Variants in POMZP3 observed in about 807,000 individuals in gnomAD.
POMZP3 encodes the protein POM121 and ZP3 fusion, also known as POM121 and ZP3 fusion protein.
POMZP3 carries 10 observed loss-of-function variants against 19.8 expected under a neutral mutation model. The ratio of observed to expected loss-of-function variants is 0.51; its 90% CI spans 0.31 to 0.86. The LOEUF (loss-of-function observed/expected upper bound fraction) is 0.86. Among genes scored for constraint, POMZP3 ranks in the 40% least tolerant of loss-of-function variants. POMZP3 has a pLI of 0.04. For missense variants in POMZP3, 152 were observed against 228.1 expected (o/e 0.67, Z 2.15); for synonymous variants, 57 against 85.8 (o/e 0.66, Z 1.85).
chr7:76,619,345 GC>G (rs1815419872), intron 3 of POMZP3, among the ~76,000 whole-genome samples: 1 of 152,026 alleles, frequency 6.6e-6, no homozygotes, highest in African/African-American at 2.4e-5. Context: ...CCGAGATCGT[GC>G]CATTGCACTC....
chr7:76,611,817 C>T lies in POMZP3; in HGVS notation c.346-4G>A, dbSNP rs1432804453. 4.5e-6 allele frequency: 7 copies of T among 1,567,040 alleles called. No homozygotes were observed. In the South Asian group the frequency reaches 7.9e-5, roughly 18 times the overall value. On this transcript the variant is annotated splice_region_variant and splice_polypyrimidine_tract_variant and intron_variant, in intron 4 of 6. Coordinates refer to ENST00000310842, the MANE Select transcript of POMZP3 (RefSeq NM_012230.5). ...TCAGGTGGCAGGTGATGTATATCTG[C>T]AAGGAATAACAGCTATTTCCAGGCC... is the stretch of plus-strand genomic sequence containing the variant.
intron 3 of POMZP3, chr7:76,618,649 A>G (rs1815381699): frequency 3.5e-6 from 1 of 289,442 alleles, no homozygotes; most frequent in Non-Finnish European, 6.8e-6. Context: ...CGTTCAAAAT[A>G]GAGGGTAGAG....
At position 76,625,792 on chromosome 7, in the gene POMZP3, C is replaced by T. The variant is rs1300928463; in HGVS notation, c.66-109G>A. The T allele has an allele frequency of 4.9e-6, 7 of 1,414,822 alleles. No individual in the cohort carries two copies. The South Asian group carries it at 9.3e-5, about 19-fold the overall frequency. 87.6% of individuals were successfully genotyped at this position (1,414,822 alleles called of 1,614,324 possible). A position where few individuals can be genotyped will look rare whatever the true frequency, so the allele number is the denominator to read the frequency against. ...AGCCAAAGTATAATTTATACACTCA[C>T]AACAGTTCCCCTTAGCAAGTAAAGC... On this transcript the variant is annotated intron_variant, in intron 2 of 6. Transcript: ENST00000310842.
In POMZP3 at chr7:76,614,399, A is replaced by C. The variant is rs1455251079; in HGVS notation, c.346-2586T>G. On this transcript the variant is annotated intron_variant, in intron 4 of 6. Transcript: ENST00000310842. ...CCCATCTCTACTAAAAAAAAAAAAA[A>C]AATACAGAAATTAGCTGGGCATGGT... is the stretch of plus-strand genomic sequence containing the variant. Among the ~76,000 whole-genome samples the C allele has an allele frequency of 8.5e-4, 69 of 80,902 alleles. 15 individuals are homozygous for C. The highest frequency in any genetic ancestry group is 1.5e-3 in the Non-Finnish European group (57 of 38,698). 53.1% of individuals were successfully genotyped at this position (80,902 alleles called of 152,430 possible). A position where few individuals can be genotyped will look rare whatever the true frequency, so the allele number is the denominator to read the frequency against.
intron 3 of POMZP3, among the ~76,000 whole-genome samples, chr7:76,619,283 G>A (rs1815416308): frequency 6.6e-6 from 1 of 152,308 alleles, no homozygotes. Context: ...AGCTACTGGG[G>A]AGGCTGAGAG....
At chr7:76,610,326 T>G (rs1815031653) in intron 6 of POMZP3, 111 bp from the exon 7 acceptor site, 2 of 1,135,722 alleles carry the variant, frequency 1.8e-6, no homozygotes, top group South Asian at 2.6e-5. Flanking sequence ...CTTTTTTGTG[T>G]GGGCTAATAA....
chr7:76,614,862 A>G (rs1815237435), intron 4 of POMZP3, among the ~76,000 whole-genome samples: 1 of 86,500 alleles, frequency 1.2e-5, no homozygotes, highest in African/African-American at 6.0e-5. Context: ...TCTGTCCAAA[A>G]AAAAAAAAAA....
At chr7:76,618,457 A>G (rs1383336477) in intron 3 of POMZP3, 157 bp from the exon 4 acceptor site, 12 of 928,342 alleles carry the variant, frequency 1.3e-5, no homozygotes, top group Non-Finnish European at 1.7e-5. Context: ...CCTTGTCTCT[A>G]CTAAAAATAC....
chr7:76,616,131 A>T lies in POMZP3; in HGVS notation c.345+2052T>A, dbSNP rs181909735. Among the ~76,000 whole-genome samples the T allele has an allele frequency of 1.3e-4, 18 of 136,480 alleles. 1 individual carries two copies. The highest frequency in any genetic ancestry group is 4.1e-4 in the African/African-American group (15 of 36,194). 89.5% of individuals were successfully genotyped at this position (136,480 alleles called of 152,430 possible). A position where few individuals can be genotyped will look rare whatever the true frequency, so the allele number is the denominator to read the frequency against. On this transcript the variant is annotated intron_variant, in intron 4 of 6. Coordinates refer to ENST00000310842, the MANE Select transcript of POMZP3 (RefSeq NM_012230.5). ...AACCCTGTCTCTACTAAGAAATACA[A>T]GGATTAGCCGGGCATGGTGGCAGGC...
Position 76,611,717 on chromosome 7 carries a change from C to G in POMZP3, c.437+5G>C. ...CTACTCCAGTCACGGAGCACCTGTC[C>G]TCACCTGTTGGAAGGCTTGCTGAAG... On this transcript the variant is annotated splice_donor_5th_base_variant and intron_variant, in intron 5 of 6. Transcript: ENST00000310842. 1 of 1,478,298 alleles carries G rather than the reference C, an allele frequency of 6.8e-7. No homozygotes were observed. 91.6% of individuals were successfully genotyped at this position (1,478,298 alleles called of 1,614,324 possible). A position where few individuals can be genotyped will look rare whatever the true frequency, so the allele number is the denominator to read the frequency against.
chr7:76,624,320 G>A (rs563145783), intron 3 of POMZP3, among the ~76,000 whole-genome samples: 8 of 151,724 alleles, frequency 5.3e-5, no homozygotes, highest in Non-Finnish European at 7.4e-5. Context: ...AGGCTGAGGC[G>A]AGCTGATCAC....
chr7:76,624,989 C>T (rs1176012856), intron 3 of POMZP3, among the ~76,000 whole-genome samples: 30 of 150,932 alleles, frequency 2.0e-4, no homozygotes, highest in African/African-American at 2.2e-4. Context: ...AAAAATTAGC[C>T]GGGCATGGTG....
At position 76,626,195 on chromosome 7, in the gene POMZP3, T is replaced by C; in HGVS notation, c.-131A>G. On this transcript the variant is annotated 5_prime_UTR_variant, in exon 2 of 7. Transcript: ENST00000310842. Reference sequence around the variant, plus strand: ...TCTTCGAGGTGTTATTACAAACCGATCTGGTAAAGTCCCACGATCCCTGCA... The same window carrying C: ...TCTTCGAGGTGTTATTACAAACCGACCTGGTAAAGTCCCACGATCCCTGCA... The C allele has an allele frequency of 1.9e-6, 3 of 1,565,502 alleles. No individual in the cohort carries two copies. Among genetic ancestry groups the C allele is most frequent in the South Asian group, 1.2e-5 (1 of 86,062 alleles).
At chr7:76,626,618 G>C (rs939019262) in intron 1 of POMZP3, 90 bp downstream of exon 1, 1 of 1,246,200 alleles carries the variant, frequency 8.0e-7, no homozygotes, top group Admixed American at 3.6e-5. Flanking sequence ...ATTCCCTTCG[G>C]ATTTGATGAA....
At chr7:76,614,853 C>G (rs1815235763) in intron 4 of POMZP3, among the ~76,000 whole-genome samples, 1 of 70,658 alleles carries the variant, frequency 1.4e-5, no homozygotes, top group Non-Finnish European at 2.6e-5. Flanking sequence ...GAGCGAGACT[C>G]TGTCCAAAAA....
At chr7:76,618,866 C>A (rs1461056568) in intron 3 of POMZP3, among the ~76,000 whole-genome samples, 1 of 151,826 alleles carries the variant, frequency 6.6e-6, no homozygotes, top group Non-Finnish European at 1.5e-5. Context: ...TAGCTCACTG[C>A]AGCCTCGACC....
intron 3 of POMZP3, among the ~76,000 whole-genome samples, chr7:76,621,899 T>C (rs188705349): frequency 2.6e-5 from 3 of 113,998 alleles, no homozygotes; most frequent in Admixed American, 1.8e-4. Flanking sequence ...GAGATAGCGC[T>C]ACTGCACTCC....
chr7:76,614,580 AAAG>A (rs1373583133), intron 4 of POMZP3, among the ~76,000 whole-genome samples: 1 of 82,790 alleles, frequency 1.2e-5, no homozygotes, highest in Non-Finnish European at 2.5e-5. Flanking sequence ...AAAAAAAAAA[AAAG>A]AGGGGAGTGT....
At chr7:76,622,941 A>G (rs1815652028) in intron 3 of POMZP3, among the ~76,000 whole-genome samples, 2 of 150,986 alleles carry the variant, frequency 1.3e-5, no homozygotes, top group African/African-American at 4.9e-5. Flanking sequence ...GCTGGATCAT[A>G]TCTCACTGCA....
Sources: allele counts gnomAD v4.1 joint callset (sites outside exome capture counted in the v4.1 genomes callset), GRCh38; gene constraint gnomAD v4.1.1; transcripts MANE v1.5; gene names NCBI Gene and HGNC (gene_info 2026-07-23, HGNC 2026-07-21).